Variants in SCN8A observed in about 807,000 individuals in gnomAD.
SCN8A encodes sodium channel protein type 8 subunit alpha.
In SCN8A, 30 loss-of-function variants were observed where a neutral mutation model predicts 184.1. The ratio of observed to expected loss-of-function variants is 0.16; its 90% CI spans 0.12 to 0.22. The LOEUF (loss-of-function observed/expected upper bound fraction) is 0.22, where lower values mean the gene tolerates loss of function less well. SCN8A is among the 10% of genes least tolerant of loss of function. The probability of loss-of-function intolerance (pLI) is 1.00; values close to 1 mark genes in which losing one functional copy is unlikely to be tolerated. For missense variants in SCN8A, 1,057 were observed against 2,498.9 expected (o/e 0.42, Z 12.30); for synonymous variants, 852 against 907.0 (o/e 0.94, Z 1.09).
In SCN8A at chr12:51,706,708, T is replaced by C; in HGVS notation, c.1628T>C (p.Met543Thr). 6.5e-7 allele frequency: 1 copy of C among 1,536,952 alleles called. No homozygotes were observed. The highest frequency in any genetic ancestry group is 2.3e-5 in the East Asian group (1 of 44,058). The change falls in exon 11 of 27, where the codon ATG becomes ACG. Residue 543 changes from methionine to threonine, a missense_variant. Physicochemically the swap from Met to Thr is moderately conservative, Grantham distance 81. Around this residue, in one of 19 missense-constraint regions of SCN8A, gnomAD observed 322 missense variants for 390.1 expected, o/e 0.83. Coordinates refer to ENST00000627620, the MANE Select transcript of SCN8A (RefSeq NM_001330260.2). The stretch of plus-strand genomic sequence containing the variant: ...AGAATAGGGAGGAAATTTTCCATCA[T>C]GAATCAGGTAAACTCTTCTTTTTTC... ...DNRIGRKFSI[M>T]NQSLLSIPGS...
At chr12:51,796,523 T>C (rs1938412111) in intron 26 of SCN8A, among the ~76,000 whole-genome samples, 3 of 152,224 alleles carry the variant, frequency 2.0e-5, no homozygotes, top group Admixed American at 1.3e-4. Flanking sequence ...AACAAAAGTA[T>C]AGAAATCATC....
chr12:51,706,404 C>T lies in SCN8A; in HGVS notation c.1342-18C>T, dbSNP rs763911558. On this transcript the variant is annotated intron_variant, in intron 10 of 26. Transcript: ENST00000627620. The stretch of plus-strand genomic sequence containing the variant: ...TAATTGCCCTGGTCTGGCTTCCCTG[C>T]TGTGGCTTCTTTCCTAGGCTGCTGC... The T allele has an allele frequency of 5.2e-6, 8 of 1,536,612 alleles. 1 individual carries two copies. In the Admixed American group the frequency reaches 1.6e-4, roughly 32 times the overall value.
chr12:51,647,503 A>G (rs74091897), intron 1 of SCN8A, among the ~76,000 whole-genome samples: 5,570 of 152,328 alleles, frequency 0.037, 313 homozygotes, highest in African/African-American at 0.12. Flanking sequence ...AGGGAGACAG[A>G]TGAATGCACG....
At chr12:51,620,878 T>G (rs1352017907) in intron 1 of SCN8A, among the ~76,000 whole-genome samples, 1 of 151,324 alleles carries the variant, frequency 6.6e-6, no homozygotes, top group Non-Finnish European at 1.5e-5. Context: ...TCCCAGCTAC[T>G]CGGGAGGCTG....
At chr12:51,737,937 G>T (rs1942354665) in intron 12 of SCN8A, among the ~76,000 whole-genome samples, 1 of 152,138 alleles carries the variant, frequency 6.6e-6, no homozygotes, top group South Asian at 2.1e-4. Flanking sequence ...GGCGCTATGT[G>T]CCCATTTTCT....
At chr12:51,796,908 C>T (rs1479239257) in intron 26 of SCN8A, among the ~76,000 whole-genome samples, 4 of 152,186 alleles carry the variant, frequency 2.6e-5, no homozygotes, top group African/African-American at 9.7e-5. Flanking sequence ...CTTCTTCTGC[C>T]TGCTTTTTCT....
intron 21 of SCN8A, among the ~76,000 whole-genome samples, chr12:51,784,418 G>A (rs1938017951): frequency 6.6e-6 from 1 of 152,006 alleles, no homozygotes; most frequent in African/African-American, 2.4e-5. Flanking sequence ...AGCTGGGCAC[G>A]GTAGCACGCA....
chr12:51,689,347 C>T (rs1941470041), intron 6 of SCN8A: 3 of 422,350 alleles, frequency 7.1e-6, no homozygotes, highest in Middle Eastern at 3.2e-4. Flanking sequence ...ACTTGGATCT[C>T]ACCATATTTG....
chr12:51,622,721 T>TC (rs1491146548), intron 1 of SCN8A, among the ~76,000 whole-genome samples: 3 of 152,196 alleles, frequency 2.0e-5, no homozygotes, highest in African/African-American at 7.2e-5. Flanking sequence ...CTATTTTTTT[T>TC]CTCTTTCTAT....
intron 1 of SCN8A, among the ~76,000 whole-genome samples, chr12:51,643,219 C>T (rs1007444433): frequency 4.6e-5 from 7 of 152,132 alleles, no homozygotes; most frequent in African/African-American, 1.7e-4. Context: ...TAGTCATTGT[C>T]AAAGATGTCA....
chr12:51,788,503 G>A (rs1483175419), intron 22 of SCN8A, 192 bp from the exon 23 acceptor site: 1 of 387,918 alleles, frequency 2.6e-6, no homozygotes, highest in Non-Finnish European at 4.6e-6. Context: ...GCCAAACTTT[G>A]TTGTTATTTT....
At chr12:51,684,139 G>A in intron 2 of SCN8A, 35 bp from the exon 3 acceptor site, 3 of 1,023,150 alleles carry the variant, frequency 2.9e-6, no homozygotes, top group Non-Finnish European at 4.7e-6. Context: ...TCATACCCAT[G>A]CTTTAATAAT....
At chr12:51,790,364 T>C in intron 24 of SCN8A, 34 bp from the exon 25 acceptor site, 1 of 1,488,702 alleles carries the variant, frequency 6.7e-7, no homozygotes, top group Middle Eastern at 1.7e-4. Context: ...TGAGAGCCAG[T>C]TGTAATTGTC....
chr12:51,789,229 C>G, intron 23 of SCN8A, 52 bp from the exon 24 acceptor site: 1 of 1,605,254 alleles, frequency 6.2e-7, no homozygotes, highest in Non-Finnish European at 8.5e-7. Context: ...CTTGGCGTGT[C>G]AAACTCCAAA....
At chr12:51,669,757 T>G (rs1565880861) in intron 2 of SCN8A, among the ~76,000 whole-genome samples, 1 of 152,222 alleles carries the variant, frequency 6.6e-6, no homozygotes, top group Non-Finnish European at 1.5e-5. Context: ...AATTTTCTCC[T>G]TATTTCACTA....
In SCN8A at chr12:51,768,828, C is replaced by T. The variant is rs529817024; in HGVS notation, c.2902-37C>T. The T allele has an allele frequency of 5.2e-5, 78 of 1,499,728 alleles. 1 individual carries two copies. The South Asian group carries it at 1.0e-3, about 20-fold the overall frequency. The allele number at this position is 1,499,728 out of a possible 1,614,324, so 92.9% of individuals were successfully genotyped here. ...ACCCTGAGTTCGATGGATAACTTTTCTGCATTTGTTCCTTTTTTCCAATGC... is the reference window on the plus strand; with the variant it reads ...ACCCTGAGTTCGATGGATAACTTTTTTGCATTTGTTCCTTTTTTCCAATGC... On this transcript the variant is annotated intron_variant, in intron 16 of 26. Transcript: ENST00000627620.
At chr12:51,720,499 A>G (rs1480660467) in intron 11 of SCN8A, among the ~76,000 whole-genome samples, 2 of 151,238 alleles carry the variant, frequency 1.3e-5, no homozygotes, top group Non-Finnish European at 2.9e-5. Flanking sequence ...AGAAATAACT[A>G]ATGTAAATGA....
chr12:51,739,213 G>A (rs1366408127), intron 12 of SCN8A, among the ~76,000 whole-genome samples: 2 of 152,082 alleles, frequency 1.3e-5, no homozygotes, highest in Admixed American at 1.3e-4. Context: ...AGGCTCAAAT[G>A]TAGCTGTAAT....
chr12:51,722,015 T>C, intron 12 of SCN8A, 107 bp downstream of exon 12: 1 of 1,580,352 alleles, frequency 6.3e-7, no homozygotes, highest in Non-Finnish European at 8.6e-7. Flanking sequence ...CTTTCCCTGC[T>C]CTGCCCATCC....
Sources: gnomAD v4.1 joint callset for allele counts (sites outside exome capture counted in the v4.1 genomes callset) on GRCh38, gnomAD v4.1.1 for gene constraint, gnomAD v4.1.1 regional missense constraint, MANE v1.5 for transcripts, NCBI Gene and HGNC (gene_info 2026-07-23, HGNC 2026-07-21) for gene names.